The following INPP4B variants were observed in gnomAD, a reference collection of about 807,000 sequenced individuals.
INPP4B encodes inositol polyphosphate 4-phosphatase type II.
A neutral mutation model predicts 122.5 loss-of-function variants in INPP4B; 55 were observed. The observed-to-expected ratio is 0.45, with a 90% confidence interval of 0.36 to 0.56. INPP4B has a LOEUF of 0.56. INPP4B is among the 20% of genes least tolerant of loss of function. INPP4B has a pLI of 0.00. For synonymous variants in INPP4B, 403 were observed against 388.7 expected, an observed-to-expected ratio of 1.04 and a Z score of -0.43; for missense variants, 1,000 against 1,097.7, an observed-to-expected ratio of 0.91 and a Z score of 1.26.
intron 1 of INPP4B, among the ~76,000 whole-genome samples, chr4:142,845,192 C>T (rs1341418821): frequency 6.6e-6 from 1 of 152,148 alleles, no homozygotes; most frequent in African/African-American, 2.4e-5. Context: ...CTTCCTCACC[C>T]TCTTGTCCCC....
intron 24 of INPP4B, among the ~76,000 whole-genome samples, chr4:142,082,503 C>T (rs556597088): frequency 3.9e-5 from 6 of 152,118 alleles, no homozygotes; most frequent in Non-Finnish European, 8.8e-5. Context: ...TAGGACAATG[C>T]TAAACTAATC....
intron 25 of INPP4B, among the ~76,000 whole-genome samples, chr4:142,079,561 C>G (rs10519618): frequency 6.6e-6 from 1 of 151,702 alleles, no homozygotes; most frequent in Non-Finnish European, 1.5e-5. Flanking sequence ...GTTGTATGTG[C>G]GGTAGGAAAT....
intron 17 of INPP4B, among the ~76,000 whole-genome samples, chr4:142,152,266 G>A (rs1291910754): frequency 1.3e-5 from 2 of 151,228 alleles, no homozygotes; most frequent in African/African-American, 2.4e-5. Context: ...TAGTAGAGAC[G>A]GAGTTTCACC....
At chr4:142,080,398 C>G (rs1334162075) in intron 25 of INPP4B, among the ~76,000 whole-genome samples, 2 of 152,114 alleles carry the variant, frequency 1.3e-5, no homozygotes, top group Non-Finnish European at 2.9e-5. Context: ...AACACTCACA[C>G]TCTGGCACGG....
At chr4:142,290,426 G>T (rs977876292) in intron 9 of INPP4B, among the ~76,000 whole-genome samples, 21 of 151,564 alleles carry the variant, frequency 1.4e-4, no homozygotes, top group Non-Finnish European at 3.1e-4. Context: ...CAGGCTGGTC[G>T]TGAACTCCTG....
intron 12 of INPP4B, among the ~76,000 whole-genome samples, chr4:142,220,343 G>A (rs924704457): frequency 1.3e-5 from 2 of 152,016 alleles, no homozygotes; most frequent in Non-Finnish European, 1.5e-5. Context: ...AATATGCATT[G>A]GACAGACAGT....
At chr4:142,694,888 AT>A (rs1347789315) in intron 2 of INPP4B, among the ~76,000 whole-genome samples, 1 of 152,034 alleles carries the variant, frequency 6.6e-6, no homozygotes, top group African/African-American at 2.4e-5. Context: ...CTCAGAAAAA[AT>A]ATTTTCTCTA....
At chr4:142,491,598 A>T (rs186867663) in intron 2 of INPP4B, among the ~76,000 whole-genome samples, 53 of 152,362 alleles carry the variant, frequency 3.5e-4, no homozygotes, top group Middle Eastern at 6.8e-3. Context: ...TGGAGGTTGC[A>T]GTGAGCCAAG....
intron 1 of INPP4B, among the ~76,000 whole-genome samples, chr4:142,729,290 G>A (rs1765756482): frequency 6.6e-6 from 1 of 152,144 alleles, no homozygotes; most frequent in Non-Finnish European, 1.5e-5. Flanking sequence ...GGGGGTTGGG[G>A]ATCCCTGCTA....
intron 2 of INPP4B, among the ~76,000 whole-genome samples, chr4:142,486,679 A>T (rs1821238593): frequency 6.6e-6 from 1 of 152,118 alleles, no homozygotes; most frequent in Admixed American, 6.6e-5. Context: ...GTTAGAAATT[A>T]TTTGCTGTAC....
In INPP4B at chr4:142,666,181, C is replaced by G. The variant is rs551301397; in HGVS notation, c.-191+59658G>C. 5.3e-5 allele frequency among the ~76,000 whole-genome samples: 8 copies of G among 152,100 alleles called. No individual in the cohort carries two copies. In the South Asian group the frequency reaches 1.7e-3, roughly 32 times the overall value. On this transcript the variant is annotated intron_variant, in intron 2 of 25. Coordinates refer to ENST00000262992, the MANE Select transcript of INPP4B (RefSeq NM_001101669.3). ...TATGTATAAATGGAAAAGTATAAATCAAAATATTAAGAACTAGGAAGGTAT... is the reference window on the plus strand; with the variant it reads ...TATGTATAAATGGAAAAGTATAAATGAAAATATTAAGAACTAGGAAGGTAT...
intron 2 of INPP4B, among the ~76,000 whole-genome samples, chr4:142,512,580 A>G (rs918816137): frequency 6.6e-6 from 1 of 152,152 alleles, no homozygotes; most frequent in African/African-American, 2.4e-5. Flanking sequence ...ATGAGGAAAA[A>G]AATGTAGCAG....
intron 7 of INPP4B, among the ~76,000 whole-genome samples, chr4:142,393,642 T>C (rs1798426915): frequency 6.6e-6 from 1 of 152,244 alleles, no homozygotes; most frequent in Non-Finnish European, 1.5e-5. Context: ...ATTTGCGTCC[T>C]TGTGGATGAA....
chr4:142,818,759 T>C (rs1780443060), intron 1 of INPP4B, among the ~76,000 whole-genome samples: 1 of 152,116 alleles, frequency 6.6e-6, no homozygotes, highest in Non-Finnish European at 1.5e-5. Context: ...AGGTCACTGT[T>C]CAATTGTTCT....
chr4:142,105,778 T>C (rs542944120), intron 23 of INPP4B, among the ~76,000 whole-genome samples: 1 of 152,306 alleles, frequency 6.6e-6, no homozygotes, highest in East Asian at 1.9e-4. Flanking sequence ...GAAATTAACC[T>C]ATCCTTTAAC....
intron 1 of INPP4B, among the ~76,000 whole-genome samples, chr4:142,752,961 A>G (rs980697927): frequency 1.3e-5 from 2 of 152,146 alleles, no homozygotes; most frequent in African/African-American, 4.8e-5. Context: ...TTGAGTGACG[A>G]TCTATAGATC....
At chr4:142,438,448 G>A (rs1416420884) in intron 3 of INPP4B, among the ~76,000 whole-genome samples, 1 of 152,088 alleles carries the variant, frequency 6.6e-6, no homozygotes, top group East Asian at 1.9e-4. Context: ...ACAAGCAATG[G>A]GGAAAAGATT....
intron 3 of INPP4B, among the ~76,000 whole-genome samples, chr4:142,441,956 C>A (rs1811824005): frequency 6.6e-6 from 1 of 151,162 alleles, no homozygotes; most frequent in African/African-American, 2.4e-5. Flanking sequence ...GTACAATCCA[C>A]TATAATTAAA....
intron 7 of INPP4B, among the ~76,000 whole-genome samples, chr4:142,323,914 G>T (rs1217402329): frequency 6.6e-6 from 1 of 152,114 alleles, no homozygotes; most frequent in African/African-American, 2.4e-5. Flanking sequence ...GGCTGGAATT[G>T]TTGGTACAAT....
Sources: gnomAD v4.1 joint callset for allele counts (sites outside exome capture counted in the v4.1 genomes callset) on GRCh38, gnomAD v4.1.1 for gene constraint, MANE v1.5 for transcripts, NCBI Gene and HGNC (gene_info 2026-07-23, HGNC 2026-07-21) for gene names.